LRTM3: variants seen among roughly 807,000 people sequenced by gnomAD.
LRTM3 encodes the protein leucine rich repeat transmembrane protein 3.
At chr13:102,745,402 G>A in the LRTM3 span, 1 of 1,550,490 alleles carries the variant, frequency 6.4e-7, no homozygotes, top group Non-Finnish European at 8.7e-7. Context: ...ACTTGTTAAT[G>A]TCAGGTGTCA....
At chr13:102,758,951 A>C in the LRTM3 span, 1 of 1,376,282 alleles carries the variant, frequency 7.3e-7, no homozygotes. Context: ...CATATGTGAA[A>C]GAGACTGGTG....
the LRTM3 span, among the ~76,000 whole-genome samples, chr13:102,750,708 T>C: frequency 1.6e-4 from 24 of 152,170 alleles, no homozygotes; most frequent in Admixed American, 1.5e-3. Flanking sequence ...ATCTTTTCTG[T>C]TCTCTATATG....
chr13:102,741,831 T>C, the LRTM3 span: 5 of 1,550,420 alleles, frequency 3.2e-6, no homozygotes, highest in Non-Finnish European at 4.4e-6. Context: ...TCTTCATCTG[T>C]TCTAATTCGT....
the LRTM3 span, chr13:102,731,818 C>A: frequency 6.5e-7 from 1 of 1,549,386 alleles, no homozygotes; most frequent in South Asian, 1.2e-5. Context: ...CACTCTGATC[C>A]CTTTGCTTGG....
At chr13:102,744,189 A>T in the LRTM3 span, 1 of 1,550,618 alleles carries the variant, frequency 6.4e-7, no homozygotes, top group Non-Finnish European at 8.7e-7. Context: ...ATGATATTAA[A>T]CAACTGCAAA....
At chr13:102,730,869 A>T in the LRTM3 span, 1 of 1,551,400 alleles carries the variant, frequency 6.4e-7, no homozygotes. Flanking sequence ...TGATGGAGAG[A>T]TTTCTCCTCA....
chr13:102,758,501 G>T, the LRTM3 span: 1 of 1,535,722 alleles, frequency 6.5e-7, no homozygotes, highest in South Asian at 1.2e-5. Flanking sequence ...AGCTCAGGAT[G>T]AACAAGTTTT....
At chr13:102,731,111 G>C in the LRTM3 span, 1 of 1,551,344 alleles carries the variant, frequency 6.4e-7, no homozygotes. Context: ...CATCTCACTA[G>C]CAGAAGTCAC....
chr13:102,746,191 A>G, the LRTM3 span: 162 of 1,550,732 alleles, frequency 1.0e-4, no homozygotes, highest in Non-Finnish European at 1.4e-4. Context: ...CCAGTGTTAA[A>G]CAGTTCAGCA....
the LRTM3 span, chr13:102,749,016 GT>G: frequency 6.4e-7 from 1 of 1,550,688 alleles, no homozygotes; most frequent in Middle Eastern, 1.7e-4. Flanking sequence ...TTCACTAGTT[GT>G]TTTCTGGAAT....
the LRTM3 span, chr13:102,749,517 C>T: frequency 1.2e-5 from 18 of 1,551,314 alleles, no homozygotes; most frequent in Non-Finnish European, 1.5e-5. Context: ...TGTTGGTCCT[C>T]ACCTAAGTGT....
At chr13:102,757,285 C>A in the LRTM3 span, among the ~76,000 whole-genome samples, 1 of 152,130 alleles carries the variant, frequency 6.6e-6, no homozygotes, top group Non-Finnish European at 1.5e-5. Flanking sequence ...AATATAGCAA[C>A]CAGATTAAAT....
chr13:102,758,919 T>A, the LRTM3 span: 3 of 1,525,766 alleles, frequency 2.0e-6, no homozygotes, highest in African/African-American at 4.2e-5. Flanking sequence ...AAAGGAATAA[T>A]ATTGCTTTGA....
chr13:102,749,446 A>G, the LRTM3 span: 2 of 1,551,376 alleles, frequency 1.3e-6, no homozygotes, highest in South Asian at 2.4e-5. Flanking sequence ...CATTCTTAAA[A>G]ATAGTGTCTT....
the LRTM3 span, chr13:102,747,560 A>G: frequency 6.4e-7 from 1 of 1,551,038 alleles, no homozygotes; most frequent in Non-Finnish European, 8.7e-7. Flanking sequence ...ATATCTTTTT[A>G]CATCTTCCTT....
chr13:102,734,308 C>T, the LRTM3 span: 1 of 1,551,234 alleles, frequency 6.4e-7, no homozygotes, highest in Non-Finnish European at 8.7e-7. Flanking sequence ...ATGCTGATGG[C>T]ATTAGTGGAA....
the LRTM3 span, chr13:102,735,131 T>C: frequency 6.4e-7 from 1 of 1,551,276 alleles, no homozygotes; most frequent in African/African-American, 1.4e-5. Context: ...TTTCTGGACC[T>C]TTTCCTCCTC....
At chr13:102,756,107 C>G in the LRTM3 span, among the ~76,000 whole-genome samples, 1 of 151,172 alleles carries the variant, frequency 6.6e-6, no homozygotes, top group African/African-American at 2.4e-5. Context: ...CGCATGCCAC[C>G]ACAGCCGGTT....
the LRTM3 span, chr13:102,738,307 T>C: frequency 6.4e-7 from 1 of 1,551,050 alleles, no homozygotes; most frequent in Non-Finnish European, 8.7e-7. Flanking sequence ...CATCTGCTTT[T>C]TCCCCTGCCT....
Sources: gnomAD v4.1 joint callset for allele counts (sites outside exome capture counted in the v4.1 genomes callset) on GRCh38, gnomAD v4.1.1 for gene constraint, MANE v1.5 for transcripts, NCBI Gene and HGNC (gene_info 2026-07-23, HGNC 2026-07-21) for gene names.